PIH1D2: variants seen among roughly 807,000 people sequenced by gnomAD.
The protein encoded by PIH1D2 is PIH1 domain containing 2.
Under a neutral mutation model 31.2 loss-of-function variants are expected in PIH1D2, and 25 were observed. The observed-to-expected ratio is 0.80, with a 90% CI of 0.58 to 1.12. PIH1D2 has a LOEUF of 1.12. PIH1D2 is among the 50% of genes most tolerant of loss of function. PIH1D2 has a pLI of 0.00. For missense variants in PIH1D2, 310 were observed against 356.6 expected (o/e 0.87, Z 1.05); for synonymous variants, 116 against 119.9 (o/e 0.97, Z 0.21).
At chr11:112,059,051 T>TA (rs782171316), downstream of PIH1D2, among the ~76,000 whole-genome samples, 1,058 of 140,124 alleles carry the variant, frequency 7.6e-3, 10 homozygotes, top group African/African-American at 0.022. Context: ...TGATATTGTG[T>TA]AAAAAAAAAA....
chr11:112,059,074 C>A (rs73568049), downstream of PIH1D2, among the ~76,000 whole-genome samples: 12,570 of 151,776 alleles, frequency 0.083, 1,549 homozygotes, highest in African/African-American at 0.27. Context: ...AAGATTGGGA[C>A]CCCTTACTTT....
the PIH1D2 span, among the ~76,000 whole-genome samples, chr11:112,053,538 C>T: frequency 2.0e-5 from 3 of 151,970 alleles, no homozygotes; most frequent in Admixed American, 6.6e-5. Flanking sequence ...CTGCAACCTC[C>T]GCCTCCCGAG....
chr11:112,054,425 G>C, the PIH1D2 span, among the ~76,000 whole-genome samples: 2 of 152,146 alleles, frequency 1.3e-5, no homozygotes, highest in Non-Finnish European at 2.9e-5. Flanking sequence ...CAGTGATTGT[G>C]TATGACTAAG....
chr11:112,069,811 T>C lies in PIH1D2; in HGVS notation c.813+625A>G, dbSNP rs144426811. On this transcript the variant is annotated intron_variant, in intron 5 of 5. Coordinates refer to ENST00000280350, the MANE Select transcript of PIH1D2 (RefSeq NM_138789.4). ...TGCACCAGTAACTGCAGTGTGCCTC[T>C]TATTTTTCCCATTTCTGAATTGAGA... is the stretch of plus-strand genomic sequence containing the variant. The C allele has an allele frequency of 3.8e-3, 585 of 152,954 alleles. 7 individuals are homozygous for C. The highest frequency in any genetic ancestry group is 0.013 in the African/African-American group (554 of 41,566). The allele number at this position is 152,954 out of a possible 1,614,324, so 9.5% of individuals were successfully genotyped here. A position where few individuals can be genotyped will look rare whatever the true frequency, so the allele number is the denominator to read the frequency against.
At chr11:112,061,456 G>T, downstream of PIH1D2, 1 of 372,204 alleles carries the variant, frequency 2.7e-6, no homozygotes, top group Non-Finnish European at 4.9e-6. Context: ...TGTGCTTACT[G>T]GAAATTTGTG....
At chr11:112,064,140 C>T (rs1555183591), downstream of PIH1D2, 7 of 1,520,640 alleles carry the variant, frequency 4.6e-6, no homozygotes, top group Non-Finnish European at 6.2e-6. Flanking sequence ...GGACCATCAT[C>T]AATATGATCC....
chr11:112,067,685 A>AATATATATATATATATATATATATAT (rs56048300), downstream of PIH1D2: 2 of 17,802 alleles, frequency 1.1e-4, no homozygotes, highest in African/African-American at 1.7e-4. Context: ...AAAAAAAAAA[A>AATATATATATATATATATATATATAT]ATATATATAT....
the PIH1D2 span, among the ~76,000 whole-genome samples, chr11:112,052,993 G>A: frequency 6.6e-6 from 1 of 152,062 alleles, no homozygotes; most frequent in Non-Finnish European, 1.5e-5. Context: ...GCAACATGGG[G>A]ACAAAGACCA....
chr11:112,073,608 T>C (rs1224159143), intron 1 of PIH1D2, among the ~76,000 whole-genome samples: 2 of 152,196 alleles, frequency 1.3e-5, no homozygotes, highest in Non-Finnish European at 2.9e-5. Context: ...CATGGACTTG[T>C]GAGCCAGAAT....
chr11:112,058,838 G>C (rs765944751), downstream of PIH1D2, among the ~76,000 whole-genome samples: 27 of 151,974 alleles, frequency 1.8e-4, no homozygotes, highest in Admixed American at 3.9e-4. Context: ...CCTGCAACAA[G>C]ATCTTATTAT....
intron 2 of PIH1D2, among the ~76,000 whole-genome samples, chr11:112,072,463 G>A (rs587615296): frequency 5.1e-4 from 72 of 142,396 alleles, no homozygotes; most frequent in African/African-American, 1.8e-3. Flanking sequence ...TGGGAGGATC[G>A]CTTGGGCTGC....
chr11:112,068,973 A>G (rs752793120), intron 5 of PIH1D2, among the ~76,000 whole-genome samples: 1 of 134,396 alleles, frequency 7.4e-6, no homozygotes, highest in Non-Finnish European at 1.6e-5. Flanking sequence ...AAACCTCTGA[A>G]TTTTTTTTGT....
At chr11:112,066,824 A>G (rs181714720), downstream of PIH1D2, among the ~76,000 whole-genome samples, 409 of 151,988 alleles carry the variant, frequency 2.7e-3, 5 homozygotes, top group African/African-American at 9.3e-3. Flanking sequence ...GCACTTTGCG[A>G]GGCTGAGGCA....
At chr11:112,070,759 A>G in intron 4 of PIH1D2, 58 bp from the exon 5 acceptor site, 3 of 1,530,156 alleles carry the variant, frequency 2.0e-6, no homozygotes, top group Non-Finnish European at 1.8e-6. Flanking sequence ...ATAAAATACT[A>G]TGAGCTATAA....
At chr11:112,053,141 G>A in the PIH1D2 span, among the ~76,000 whole-genome samples, 1 of 152,066 alleles carries the variant, frequency 6.6e-6, no homozygotes, top group Non-Finnish European at 1.5e-5. Flanking sequence ...GGCCAACATG[G>A]TGAAACCCCA....
At chr11:112,067,683 A>AAAAAAAAAAT (rs1592748073), downstream of PIH1D2, 1 of 31,558 alleles carries the variant, frequency 3.2e-5, no homozygotes, top group East Asian at 1.1e-3. Context: ...AAAAAAAAAA[A>AAAAAAAAAAT]AAATATATAT....
Position 112,070,700 on chromosome 11 carries a change from T to A in PIH1D2, c.549A>T (p.Glu183Asp). ...SIDLREKMRRELTLGQIRSST... is the reference protein window; with the variant it reads ...SIDLREKMRRDLTLGQIRSST... ...TGCTTCGTATCTGTCCAAGAGTTAG[T>A]TCTTTATGAAAAAAAGGGTGGAGGG... Residue 183 changes from glutamate (E) to aspartate (D), a missense_variant and splice_region_variant, in exon 5 of 6, where the codon GAA (glutamate) becomes GAT (aspartate). Physicochemically the swap from Glu to Asp is conservative, Grantham distance 45. Coordinates refer to ENST00000280350, the MANE Select transcript of PIH1D2 (RefSeq NM_138789.4). The A allele has an allele frequency of 6.2e-7, 1 of 1,608,692 alleles. No homozygotes were observed. The highest frequency in any genetic ancestry group is 1.1e-5 in the South Asian group (1 of 90,576).
At chr11:112,072,689 C>A (rs1162406391) in intron 2 of PIH1D2, 1 of 169,468 alleles carries the variant, frequency 5.9e-6, no homozygotes, top group Non-Finnish European at 1.2e-5. Flanking sequence ...CATGGTGAAA[C>A]CCCGCCTCTA....
At chr11:112,066,501 G>A (rs1046053095), downstream of PIH1D2, among the ~76,000 whole-genome samples, 5 of 151,896 alleles carry the variant, frequency 3.3e-5, no homozygotes, top group East Asian at 1.9e-4. Context: ...AGCTAGGGGC[G>A]GTTGCGGGCG....
Sources: gnomAD v4.1 joint callset for allele counts (sites outside exome capture counted in the v4.1 genomes callset) on GRCh38, gnomAD v4.1.1 for gene constraint, MANE v1.5 for transcripts, NCBI Gene and HGNC (gene_info 2026-07-23, HGNC 2026-07-21) for gene names.